ARHGEF28: variants seen among roughly 807,000 people sequenced by gnomAD.
The protein encoded by ARHGEF28 is Rho guanine nucleotide exchange factor 28, also known as 190 kDa guanine nucleotide exchange factor.
In ARHGEF28, 152 loss-of-function variants were observed where a neutral mutation model predicts 206.6. The ratio of observed to expected loss-of-function variants is 0.74; its 90% confidence interval spans 0.64 to 0.84. The LOEUF (loss-of-function observed/expected upper bound fraction) is 0.84, where lower values mean the gene tolerates loss of function less well. ARHGEF28 is among the 40% of genes least tolerant of loss of function. ARHGEF28 has a pLI of 0.00. For synonymous variants in ARHGEF28, 763 were observed against 776.4 expected (o/e 0.98, Z 0.29); for missense variants, 2,028 against 2,073.2 (o/e 0.98, Z 0.42).
At chr5:73,848,177 T>C (rs951300423) in intron 12 of ARHGEF28, among the ~76,000 whole-genome samples, 1 of 152,212 alleles carries the variant, frequency 6.6e-6, no homozygotes, top group Non-Finnish European at 1.5e-5. Context: ...GTACTATAAA[T>C]GGCTTCAGTG....
At chr5:73,814,803 A>C (rs376873175) in intron 9 of ARHGEF28, among the ~76,000 whole-genome samples, 1 of 152,072 alleles carries the variant, frequency 6.6e-6, no homozygotes, top group African/African-American at 2.4e-5. Context: ...CTGAAATACA[A>C]TAGAAGTGTT....
chr5:73,671,715 TATATATATATATATATATATATA>T (rs1444496885), intron 1 of ARHGEF28, among the ~76,000 whole-genome samples: 633 of 13,776 alleles, frequency 0.046, 10 homozygotes, highest in East Asian at 0.081. Flanking sequence ...TATATATATA[TATATATATATATATATATATATA>T]TTTTTTTTTT....
Position 73,858,189 on chromosome 5 carries a change from C to T in ARHGEF28, c.2017C>T (p.Leu673Phe), listed in dbSNP as rs1759171436. Reference protein sequence around the residue: ...VLQCLVCDKTLLGKESLQCSN... With the variant: ...VLQCLVCDKTFLGKESLQCSN... ...GCAGTGTTTGGTTTGTGATAAAACA[C>T]TCCTGGGGAAAGAGTCACTGCAGTG... The change falls in exon 16 of 36, where the codon CTC becomes TTC. Residue 673 changes from leucine to phenylalanine, a missense_variant. Transcript: ENST00000513042. The T allele has an allele frequency of 1.2e-6, 2 of 1,606,664 alleles. No individual in the cohort carries two copies. The highest frequency in any genetic ancestry group is 1.7e-6 in the Non-Finnish European group (2 of 1,177,816).
intron 1 of ARHGEF28, among the ~76,000 whole-genome samples, chr5:73,667,529 A>T (rs1746031509): frequency 2.0e-5 from 3 of 152,200 alleles, no homozygotes; most frequent in Admixed American, 2.0e-4. Flanking sequence ...TAATCTCCAA[A>T]GTGCCATCAG....
intron 26 of ARHGEF28, among the ~76,000 whole-genome samples, chr5:73,890,976 G>A (rs1298197718): frequency 2.0e-5 from 3 of 152,238 alleles, no homozygotes; most frequent in Admixed American, 6.5e-5. Context: ...GATCACAGTA[G>A]ATGTTGGTAG....
chr5:73,758,026 C>A (rs190563079), intron 4 of ARHGEF28, among the ~76,000 whole-genome samples: 337 of 152,244 alleles, frequency 2.2e-3, no homozygotes, highest in Non-Finnish European at 4.4e-3. Flanking sequence ...AAAGCCCCCT[C>A]GACCTTCCTG....
At chr5:73,884,478 T>A (rs114891156) in intron 24 of ARHGEF28, among the ~76,000 whole-genome samples, 1,724 of 152,210 alleles carry the variant, frequency 0.011, 24 homozygotes, top group Middle Eastern at 0.027. Flanking sequence ...GAATAGATGA[T>A]CAATAAATAA....
At chr5:73,780,257 C>T (rs1753759888) in intron 6 of ARHGEF28, 1 of 164,606 alleles carries the variant, frequency 6.1e-6, no homozygotes, top group Non-Finnish European at 1.3e-5. Context: ...TCCTTGTGAT[C>T]ACGGTCCTAG....
intron 19 of ARHGEF28, 29 bp downstream of exon 19, chr5:73,868,049 A>G: frequency 6.2e-7 from 1 of 1,613,484 alleles, no homozygotes; most frequent in Non-Finnish European, 8.5e-7. Context: ...TTACATATTA[A>G]TGGCTCAGAG....
chr5:73,882,437 A>G (rs1229668170), intron 22 of ARHGEF28, 35 bp from the exon 23 acceptor site: 8 of 1,345,976 alleles, frequency 5.9e-6, no homozygotes, highest in Admixed American at 3.3e-5. Flanking sequence ...AACTTACTAA[A>G]TTTACAAACC....
At chr5:73,824,524 C>T (rs908773201) in intron 9 of ARHGEF28, among the ~76,000 whole-genome samples, 4 of 150,438 alleles carry the variant, frequency 2.7e-5, no homozygotes, top group African/African-American at 7.4e-5. Flanking sequence ...GGCTGGAGTG[C>T]GGTAGCATGA....
At position 73,909,590 on chromosome 5, in the gene ARHGEF28, T is replaced by A. The variant is rs776852353; in HGVS notation, c.4340T>A (p.Leu1447His). 9 of 1,559,724 alleles carry A rather than the reference T, an allele frequency of 5.8e-6. No homozygotes were observed. In the South Asian group the frequency reaches 1.1e-4, roughly 18 times the overall value. The part of the protein sequence containing the change: ...LANVHQLQHQ[L>H]QQEQRRWLRR... ...AATGTGCACCAGCTTCAGCACCAGC[T>A]CCAGCAGGAGCAGCGGCGCTGGCTG... Residue 1447 changes from leucine (L) to histidine (H), a missense_variant, in exon 34 of 36, where the codon CTC becomes CAC. By Grantham distance (99) the Leu-to-His change is moderately conservative (BLOSUM62 -3). Transcript: ENST00000513042.
chr5:73,928,216 C>T (rs13175912), intron 35 of ARHGEF28, among the ~76,000 whole-genome samples: 16,038 of 151,976 alleles, frequency 0.11, 998 homozygotes, highest in African/African-American at 0.18. Flanking sequence ...GTCAGGCTTT[C>T]GAGAGCCTGA....
chr5:73,748,798 C>T (rs994859543), intron 2 of ARHGEF28, among the ~76,000 whole-genome samples: 3 of 152,178 alleles, frequency 2.0e-5, no homozygotes, highest in Admixed American at 6.5e-5. Context: ...GGGCAGAATG[C>T]GCTCTCTCTC....
chr5:73,710,245 T>C (rs1749160731), intron 2 of ARHGEF28, among the ~76,000 whole-genome samples: 1 of 152,226 alleles, frequency 6.6e-6, no homozygotes. Context: ...ATTTTAGCCC[T>C]TCTAAAAGGT....
At chr5:73,645,888 G>A (rs962182126) in intron 1 of ARHGEF28, among the ~76,000 whole-genome samples, 3 of 151,444 alleles carry the variant, frequency 2.0e-5, no homozygotes, top group Non-Finnish European at 4.4e-5. Context: ...TCTTGGTTTG[G>A]ATGTCCATAT....
In ARHGEF28 at chr5:73,795,377, A is replaced by G; in HGVS notation, c.1010A>G (p.His337Arg). 2 of 1,613,802 alleles carry G rather than the reference A, an allele frequency of 1.2e-6. No individual in the cohort carries two copies. The highest frequency in any genetic ancestry group is 1.7e-6 in the Non-Finnish European group (2 of 1,179,712). The change falls in exon 9 of 36, where the codon CAC becomes CGC. Residue 337 changes from histidine (H) to arginine (R), a missense_variant. Transcript: ENST00000513042. ...VVQHNEHEDQ[H>R]SLDLDRSFDI... Reference sequence around the variant, plus strand: ...CAACACAATGAACATGAAGACCAGCACAGCCTAGATTTGGGTATGAAATAA... The same window carrying G: ...CAACACAATGAACATGAAGACCAGCGCAGCCTAGATTTGGGTATGAAATAA...
At chr5:73,901,148 G>C in intron 30 of ARHGEF28, 36 bp from the exon 31 acceptor site, 6 of 1,584,048 alleles carry the variant, frequency 3.8e-6, no homozygotes, top group Non-Finnish European at 5.2e-6. Context: ...GTTTGACGCT[G>C]TCCTTTTTGT....
rs117330876 is a variant in ARHGEF28 at position 73,891,006 on chromosome 5, G to C, written c.3388-1046G>C. On this transcript the variant is annotated intron_variant, in intron 26 of 35. Coordinates refer to ENST00000513042, the MANE Select transcript of ARHGEF28 (RefSeq NM_001177693.2). ...TGGTAGAAGAGGTGGTTTAATCATG[G>C]CGTACATGCCAAATTTTAGACTTTC... is the stretch of plus-strand genomic sequence containing the variant. Among the ~76,000 whole-genome samples the C allele has an allele frequency of 2.9e-3, 443 of 152,334 alleles. 13 individuals carry two copies. In the East Asian group the frequency reaches 0.072, roughly 25 times the overall value.
Sources: allele counts gnomAD v4.1 joint callset (sites outside exome capture counted in the v4.1 genomes callset), GRCh38; gene constraint gnomAD v4.1.1; transcripts MANE v1.5; gene names NCBI Gene and HGNC (gene_info 2026-07-23, HGNC 2026-07-21).